Variants in OR14A2 observed in about 807,000 individuals in gnomAD.
OR14A2 encodes olfactory receptor family 14 subfamily A member 2.
For synonymous variants in OR14A2, 114 were observed against 58.6 expected, an observed-to-expected ratio of 1.95 and a Z score of -4.32; for missense variants, 237 against 152.9, an observed-to-expected ratio of 1.55 and a Z score of -2.90.
the OR14A2 span, among the ~76,000 whole-genome samples, chr1:247,744,558 T>C: frequency 5.3e-5 from 8 of 152,202 alleles, no homozygotes; most frequent in Non-Finnish European, 1.2e-4. This position sits in a 1 kb window ranked among gnomAD's most constrained non-coding sequence, Gnocchi z 4.3. Flanking sequence ...GAGTTTTGGA[T>C]GTATTATACC....
At chr1:247,723,647 T>C (rs36075193) in exon 1 of OR14A2, 66,766 of 718,430 alleles carry the variant, frequency 0.093, 4,088 homozygotes, top group Non-Finnish European at 0.13. Flanking sequence ...GTATTCATGA[T>C]TACCTCGTAG....
At chr1:247,747,315 C>T in the OR14A2 span, among the ~76,000 whole-genome samples, 2 of 152,102 alleles carry the variant, frequency 1.3e-5, no homozygotes, top group Non-Finnish European at 2.9e-5. Context: ...GACATTCTTT[C>T]CCCCCGTATA....
chr1:247,723,184 G>T (rs1337850769), exon 1 of OR14A2: 1 of 717,610 alleles, frequency 1.4e-6, no homozygotes, highest in Non-Finnish European at 2.6e-6. Context: ...CAGGCTGTAG[G>T]TTACAGGGTT....
the OR14A2 span, among the ~76,000 whole-genome samples, chr1:247,731,551 A>G: frequency 1.3e-5 from 2 of 151,772 alleles, no homozygotes; most frequent in Non-Finnish European, 1.5e-5. Flanking sequence ...TATATCTATA[A>G]TTATTTTTTC....
exon 1 of OR14A2, chr1:247,723,374 G>C (rs983835406): frequency 1.8e-5 from 13 of 717,412 alleles, no homozygotes; most frequent in Non-Finnish European, 3.1e-5. Context: ...GGGATCTTCA[G>C]TACAGTGGAG....
At chr1:247,724,247 A>G (rs143947531), upstream of OR14A2, among the ~76,000 whole-genome samples, 1 of 152,246 alleles carries the variant, frequency 6.6e-6, no homozygotes, top group East Asian at 1.9e-4. Context: ...GATAAACTCC[A>G]TGAGTAATGT....
chr1:247,745,949 C>T, the OR14A2 span, among the ~76,000 whole-genome samples: 50 of 152,066 alleles, frequency 3.3e-4, no homozygotes, highest in Admixed American at 8.5e-4. Context: ...GCAGGATGGT[C>T]GTTAATTGGG....
At chr1:247,728,153 A>C (rs1053991870), upstream of OR14A2, among the ~76,000 whole-genome samples, 9 of 152,026 alleles carry the variant, frequency 5.9e-5, no homozygotes, top group African/African-American at 2.2e-4. Context: ...TCCTTGATGA[A>C]CATTGATGCA....
chr1:247,736,928 T>A, the OR14A2 span, among the ~76,000 whole-genome samples: 1 of 152,184 alleles, frequency 6.6e-6, no homozygotes, highest in Non-Finnish European at 1.5e-5. Context: ...AAATTTCCAT[T>A]TGCTCATGAG....
At chr1:247,738,412 C>G in the OR14A2 span, among the ~76,000 whole-genome samples, 1 of 152,176 alleles carries the variant, frequency 6.6e-6, no homozygotes, top group Non-Finnish European at 1.5e-5. Context: ...TCCAGGACTA[C>G]TAAGTGTTAG....
At chr1:247,738,861 T>C in the OR14A2 span, 1 of 780,770 alleles carries the variant, frequency 1.3e-6, no homozygotes. Context: ...CATCCTCAAC[T>C]CTGTCGCCTC....
chr1:247,725,493 ATTT>A (rs1660320058), upstream of OR14A2, among the ~76,000 whole-genome samples: 5 of 149,770 alleles, frequency 3.3e-5, no homozygotes, highest in Non-Finnish European at 5.9e-5. Flanking sequence ...GATTTTATTT[ATTT>A]ATTTATTTAT....
At chr1:247,742,810 A>C in the OR14A2 span, among the ~76,000 whole-genome samples, 1 of 152,236 alleles carries the variant, frequency 6.6e-6, no homozygotes, top group Non-Finnish European at 1.5e-5. Flanking sequence ...AAAAAGGGGC[A>C]CAAAAGTTTT....
At chr1:247,727,550 G>T (rs757940912), upstream of OR14A2, among the ~76,000 whole-genome samples, 8,745 of 150,314 alleles carry the variant, frequency 0.058, 270 homozygotes, top group African/African-American at 0.076. Flanking sequence ...AAAGCTAGCA[G>T]AAGGTAAGAA....
chr1:247,727,342 G>T (rs1187975292), upstream of OR14A2, among the ~76,000 whole-genome samples: 2 of 149,182 alleles, frequency 1.3e-5, no homozygotes, highest in Non-Finnish European at 2.9e-5. Flanking sequence ...TTTGTCTGTT[G>T]TTGGTATGTA....
chr1:247,723,532 A>C (rs1478504397), exon 1 of OR14A2: 1 of 717,984 alleles, frequency 1.4e-6, no homozygotes, highest in Admixed American at 2.0e-5. Flanking sequence ...CTGTGGAATC[A>C]CACTGGAGCC....
At chr1:247,722,986 GA>G (rs948219829), downstream of OR14A2, 1 of 615,848 alleles carries the variant, frequency 1.6e-6, no homozygotes. Context: ...TTTCTTCAGG[GA>G]AAAAATAATT....
At chr1:247,728,625 A>T (rs557361651), upstream of OR14A2, among the ~76,000 whole-genome samples, 1 of 152,278 alleles carries the variant, frequency 6.6e-6, no homozygotes, top group South Asian at 2.1e-4. Flanking sequence ...GAAAAGAGGA[A>T]GTCAAATTGT....
the OR14A2 span, among the ~76,000 whole-genome samples, chr1:247,731,773 T>A: frequency 6.6e-6 from 1 of 151,568 alleles, no homozygotes; most frequent in East Asian, 1.9e-4. Context: ...TGAAAACATA[T>A]TTTTTTTTCT....
Sources: allele counts gnomAD v4.1 joint callset (sites outside exome capture counted in the v4.1 genomes callset), GRCh38; gene constraint gnomAD v4.1.1; non-coding constraint Gnocchi (gnomAD v3.1); transcripts MANE v1.5; gene names NCBI Gene and HGNC (gene_info 2026-07-23, HGNC 2026-07-21).